The following DMD variants were observed in gnomAD, a reference collection of about 807,000 sequenced individuals.
DMD encodes mutant dystrophin.
A neutral mutation model predicts 330.1 loss-of-function variants in DMD; 63 were observed. The observed-to-expected ratio is 0.19, with a 90% CI of 0.16 to 0.24. The LOEUF is 0.24. Ranked by LOEUF, DMD falls within the 10% of genes least tolerant of loss-of-function variation. The pLI, the probability that DMD is intolerant of heterozygous loss-of-function variation, is 1.00. For synonymous variants in DMD, 1,223 were observed against 959.8 expected, an observed-to-expected ratio of 1.27 and a Z score of -5.07; for missense variants, 3,344 against 2,684.1, an observed-to-expected ratio of 1.25 and a Z score of -5.43.
At chrX:33,206,694 C>T (rs752067684) in intron 1 of DMD, among the ~76,000 whole-genome samples, 2 of 110,643 alleles carry the variant, frequency 1.8e-5, no homozygotes, top group African/African-American at 6.6e-5. Context: ...GTATTTTGAA[C>T]GAGTGATATC....
chrX:31,149,704 AT>A (rs897074889), intron 74 of DMD, among the ~76,000 whole-genome samples: 1 of 111,521 alleles, frequency 9.0e-6, no homozygotes, highest in Admixed American at 9.5e-5. Flanking sequence ...TAATGAACAC[AT>A]TTAGGGTTAT....
At chrX:33,237,402 C>T (rs2052508473) in intron 1 of DMD, among the ~76,000 whole-genome samples, 1 of 109,692 alleles carries the variant, frequency 9.1e-6, no homozygotes, top group Admixed American at 9.8e-5. Flanking sequence ...TGCCACCACG[C>T]CCGGCTAATT....
In DMD at chrX:32,464,448, T is replaced by C. The variant is rs1912549586; in HGVS notation, c.3276+138A>G. The C allele has an allele frequency of 1.4e-5, 7 of 492,685 alleles. No individual in the cohort carries two copies. The Admixed American group carries it at 2.2e-4, about 16-fold the overall frequency. 40.6% of individuals were successfully genotyped at this position (492,685 alleles called of 1,213,427 possible). ...ACCACCCCCAACCCAGCTGTGACAA[T>C]CAAAAACGTCTAGAAACATTAAAAA... is the stretch of plus-strand genomic sequence containing the variant. On this transcript the variant is annotated intron_variant, in intron 24 of 78. Coordinates refer to ENST00000357033, the MANE Select transcript of DMD (RefSeq NM_004006.3).
At chrX:32,953,466 A>G (rs1198631702) in intron 2 of DMD, among the ~76,000 whole-genome samples, 2 of 112,300 alleles carry the variant, frequency 1.8e-5, no homozygotes, top group African/African-American at 6.5e-5. Flanking sequence ...AATATTAAAT[A>G]TCGGCTAGAT....
chrX:32,666,565 C>A (rs1024977651), intron 9 of DMD, among the ~76,000 whole-genome samples: 3 of 111,023 alleles, frequency 2.7e-5, no homozygotes, highest in Non-Finnish European at 5.7e-5. Context: ...GCATAGTATT[C>A]CATGTATATG....
intron 44 of DMD, among the ~76,000 whole-genome samples, chrX:32,025,521 T>C (rs2147189660): frequency 8.9e-6 from 1 of 112,140 alleles, no homozygotes; most frequent in East Asian, 2.8e-4. Flanking sequence ...TGGACATTGC[T>C]GATTTAGGAC....
intron 41 of DMD, among the ~76,000 whole-genome samples, chrX:32,317,378 A>ATC (rs2148643813): frequency 9.0e-6 from 1 of 111,544 alleles, no homozygotes; most frequent in Non-Finnish European, 1.9e-5. Flanking sequence ...ATCTAAACTT[A>ATC]AAGTCAAAAC....
At chrX:31,985,648 G>A (rs913037051) in intron 44 of DMD, among the ~76,000 whole-genome samples, 6 of 112,350 alleles carry the variant, frequency 5.3e-5, no homozygotes, top group African/African-American at 1.3e-4. Context: ...TTTATTGAGC[G>A]CATTGCATCC....
intron 41 of DMD, among the ~76,000 whole-genome samples, chrX:32,310,978 T>G (rs1375501100): frequency 9.0e-6 from 1 of 111,021 alleles, no homozygotes; most frequent in Non-Finnish European, 1.9e-5. Context: ...CTTTTCTGAC[T>G]GGGATCCAAG....
At chrX:32,062,424 A>C (rs183723707) in intron 44 of DMD, among the ~76,000 whole-genome samples, 1 of 110,933 alleles carries the variant, frequency 9.0e-6, no homozygotes, top group African/African-American at 3.3e-5. Context: ...TTTCATTTCT[A>C]TTTTAAAAGG....
chrX:32,881,827 C>T (rs895804376), intron 2 of DMD, among the ~76,000 whole-genome samples: 1 of 111,478 alleles, frequency 9.0e-6, no homozygotes, highest in African/African-American at 3.3e-5. Flanking sequence ...TACTTTGCAA[C>T]GCTGAGGCAA....
chrX:32,705,700 G>A (rs1158618576), intron 7 of DMD, among the ~76,000 whole-genome samples: 1 of 111,739 alleles, frequency 8.9e-6, no homozygotes, highest in Non-Finnish European at 1.9e-5. Flanking sequence ...GTTGTTTCCT[G>A]ACTTTTTAAT....
At chrX:31,567,601 T>C (rs1293641045) in intron 55 of DMD, among the ~76,000 whole-genome samples, 2 of 111,727 alleles carry the variant, frequency 1.8e-5, no homozygotes, top group African/African-American at 3.2e-5. Context: ...CTTTGACGCA[T>C]GTTATTTAAT....
chrX:32,087,590 C>T (rs769691250), intron 44 of DMD, among the ~76,000 whole-genome samples: 4 of 111,840 alleles, frequency 3.6e-5, no homozygotes, highest in African/African-American at 1.3e-4. Context: ...ACCCGCTAGT[C>T]CGAGTCAATC....
intron 2 of DMD, among the ~76,000 whole-genome samples, chrX:32,850,366 G>A (rs1169052799): frequency 8.9e-6 from 1 of 112,031 alleles, no homozygotes; most frequent in Non-Finnish European, 1.9e-5. Flanking sequence ...AAACAACCCT[G>A]TGAGAGCTTT....
intron 63 of DMD, among the ~76,000 whole-genome samples, chrX:31,224,348 C>T (rs1444775736): frequency 8.9e-6 from 1 of 112,317 alleles, no homozygotes; most frequent in Non-Finnish European, 1.9e-5. Flanking sequence ...ATAATTCAAT[C>T]CATATCCAAG....
chrX:32,492,931 T>A (rs1459055603), intron 19 of DMD, among the ~76,000 whole-genome samples: 1 of 111,167 alleles, frequency 9.0e-6, no homozygotes, highest in African/African-American at 3.3e-5. Flanking sequence ...TACCTAAAAG[T>A]TCGAAGAGTA....
chrX:32,484,827 A>T, intron 21 of DMD, 92 bp downstream of exon 21: 1 of 947,642 alleles, frequency 1.1e-6, no homozygotes, highest in Non-Finnish European at 1.5e-6. Context: ...CCATTTACAG[A>T]AATTATTGTT....
chrX:32,801,142 C>A (rs1259422328), intron 7 of DMD, among the ~76,000 whole-genome samples: 2 of 111,762 alleles, frequency 1.8e-5, no homozygotes, highest in African/African-American at 3.3e-5. Flanking sequence ...ACACTCCCAA[C>A]AGTGTAAAAT....
Sources: allele counts gnomAD v4.1 joint callset (sites outside exome capture counted in the v4.1 genomes callset), GRCh38; gene constraint gnomAD v4.1.1; transcripts MANE v1.5; gene names NCBI Gene and HGNC (gene_info 2026-07-23, HGNC 2026-07-21).